Variants in GALNTL6 observed in about 807,000 individuals in gnomAD.
GALNTL6 encodes the protein polypeptide N-acetylgalactosaminyltransferase-like 6.
GALNTL6 carries 46 observed loss-of-function variants against 73.7 expected under a neutral mutation model. That is an observed-to-expected ratio of 0.62 (90% CI 0.49 to 0.80). GALNTL6 has a LOEUF of 0.80. Among genes scored for constraint, GALNTL6 ranks in the 30% least tolerant of loss-of-function variants. GALNTL6 has a pLI of 0.00. For missense variants in GALNTL6, 604 were observed against 755.0 expected, an observed-to-expected ratio of 0.80 and a Z score of 2.34; for synonymous variants, 259 against 263.7, an observed-to-expected ratio of 0.98 and a Z score of 0.17.
At chr4:172,721,731 A>G (rs965147145) in intron 5 of GALNTL6, among the ~76,000 whole-genome samples, 24 of 152,182 alleles carry the variant, frequency 1.6e-4, no homozygotes, top group Non-Finnish European at 8.8e-5. Flanking sequence ...AACACATTAA[A>G]TGACTGTCAT....
At chr4:172,451,831 C>T (rs1320741717) in intron 5 of GALNTL6, among the ~76,000 whole-genome samples, 1 of 151,892 alleles carries the variant, frequency 6.6e-6, no homozygotes, top group African/African-American at 2.4e-5. Context: ...CATGGAGAGA[C>T]CCAGTCTCTA....
At chr4:172,500,017 A>T (rs375355855) in intron 5 of GALNTL6, among the ~76,000 whole-genome samples, 31 of 152,342 alleles carry the variant, frequency 2.0e-4, no homozygotes, top group African/African-American at 6.7e-4. Flanking sequence ...GAGTAAAAAT[A>T]GCTGAAAAAT....
intron 8 of GALNTL6, among the ~76,000 whole-genome samples, chr4:172,919,380 GGCCGCT>G (rs1747682897): frequency 1.3e-5 from 2 of 152,074 alleles, no homozygotes; most frequent in Non-Finnish European, 2.9e-5. Context: ...CCTCAGGCAT[GGCCGCT>G]GAAAGCTCTC....
chr4:172,484,501 C>T (rs386474221), intron 5 of GALNTL6, among the ~76,000 whole-genome samples: 6 of 150,910 alleles, frequency 4.0e-5, no homozygotes, highest in African/African-American at 1.5e-4. Context: ...CGACTGAAAG[C>T]GCTGGTTGGA....
At chr4:172,432,686 A>G (rs1288549019) in intron 5 of GALNTL6, among the ~76,000 whole-genome samples, 1 of 152,100 alleles carries the variant, frequency 6.6e-6, no homozygotes, top group African/African-American at 2.4e-5. Context: ...AAATGAATAA[A>G]TAGTTGAATT....
At chr4:172,517,494 T>G (rs577990755) in intron 5 of GALNTL6, among the ~76,000 whole-genome samples, 1 of 152,276 alleles carries the variant, frequency 6.6e-6, no homozygotes, top group Non-Finnish European at 1.5e-5. Context: ...GTGGAGTAGC[T>G]GGAAAGTAGT....
intron 2 of GALNTL6, among the ~76,000 whole-genome samples, chr4:172,125,577 T>G (rs541461206): frequency 3.9e-5 from 6 of 152,236 alleles, no homozygotes; most frequent in Non-Finnish European, 7.4e-5. Flanking sequence ...CACACAAATT[T>G]CCATCATAAA....
chr4:172,298,391 G>A (rs1037807424), intron 3 of GALNTL6, among the ~76,000 whole-genome samples: 1 of 152,068 alleles, frequency 6.6e-6, no homozygotes, highest in Non-Finnish European at 1.5e-5. Context: ...CAACACTATG[G>A]TGAATAGGAG....
Position 172,809,674 on chromosome 4 carries a change from T to G in GALNTL6, c.739+128T>G. 1 of 652,720 alleles carries G rather than the reference T, an allele frequency of 1.5e-6. No individual in the cohort carries two copies. Among genetic ancestry groups the G allele is most frequent in the East Asian group, 2.9e-5 (1 of 34,490 alleles). 40.4% of individuals were successfully genotyped at this position (652,720 alleles called of 1,614,324 possible). A position where few individuals can be genotyped will look rare whatever the true frequency, so the allele number is the denominator to read the frequency against. On this transcript the variant is annotated intron_variant, in intron 6 of 12. Transcript: ENST00000506823. The surrounding 1 kb of genome is among the most constrained non-coding windows in gnomAD (Gnocchi z 4.4). ...AAGTTTTCCAGGGGAAGCCTTGAAT[T>G]TTATATTTACCACTGCTGAAAACAG...
At position 172,399,222 on chromosome 4, in the gene GALNTL6, T is replaced by C. The variant is rs552947030; in HGVS notation, c.553+50533T>C. On this transcript the variant is annotated intron_variant, in intron 5 of 12. Coordinates refer to ENST00000506823, the MANE Select transcript of GALNTL6 (RefSeq NM_001034845.3). ...ATTTTAGCAATAAAATAACTCTGCA[T>C]GTATAGATTTACATATACATATATA... Among the ~76,000 whole-genome samples, 3 of 152,146 alleles carry C rather than the reference T, an allele frequency of 2.0e-5. No individual in the cohort carries two copies. In the South Asian group the frequency reaches 6.2e-4, roughly 31 times the overall value.
intron 12 of GALNTL6, among the ~76,000 whole-genome samples, chr4:173,022,311 T>C (rs1019317118): frequency 6.6e-6 from 1 of 152,306 alleles, no homozygotes; most frequent in East Asian, 1.9e-4. Context: ...GGAAAAATCG[T>C]GTGTGTAGAA....
At chr4:171,905,481 A>G (rs2110951260) in intron 2 of GALNTL6, among the ~76,000 whole-genome samples, 1 of 150,916 alleles carries the variant, frequency 6.6e-6, no homozygotes, top group East Asian at 1.9e-4. Flanking sequence ...AGGAGCACCC[A>G]GATTCATAAA....
intron 3 of GALNTL6, among the ~76,000 whole-genome samples, chr4:172,307,601 G>C (rs1740187355): frequency 6.6e-6 from 1 of 152,134 alleles, no homozygotes; most frequent in South Asian, 2.1e-4. Flanking sequence ...AGCAAGATTT[G>C]TTGAATAGGA....
At chr4:172,749,010 A>G (rs1357936852) in intron 5 of GALNTL6, among the ~76,000 whole-genome samples, 2 of 151,706 alleles carry the variant, frequency 1.3e-5, no homozygotes, top group African/African-American at 4.8e-5. Context: ...TCCAGGCTGA[A>G]TCGGTCTTGC....
chr4:172,209,222 G>T (rs11132932), intron 2 of GALNTL6, among the ~76,000 whole-genome samples: 1 of 151,930 alleles, frequency 6.6e-6, no homozygotes, highest in Non-Finnish European at 1.5e-5. Context: ...CTTCTGATGT[G>T]AACAATTTCT....
chr4:172,454,378 G>A (rs1732317201), intron 5 of GALNTL6, among the ~76,000 whole-genome samples: 1 of 152,192 alleles, frequency 6.6e-6, no homozygotes, highest in South Asian at 2.1e-4. Context: ...TGGATACAAT[G>A]CAATAGCTTC....
intron 5 of GALNTL6, among the ~76,000 whole-genome samples, chr4:172,530,085 A>G (rs952842014): frequency 3.3e-5 from 5 of 152,016 alleles, no homozygotes; most frequent in African/African-American, 9.6e-5. Flanking sequence ...TAGAGAAGCT[A>G]GAAGGACATC....
chr4:172,059,616 C>T (rs1731132379), intron 2 of GALNTL6, among the ~76,000 whole-genome samples: 1 of 151,512 alleles, frequency 6.6e-6, no homozygotes, highest in African/African-American at 2.4e-5. Context: ...TTTAACACAA[C>T]AAAAAAGATT....
chr4:172,298,127 AGTTCACTCATGATTT>A (rs1379403426), intron 3 of GALNTL6, among the ~76,000 whole-genome samples: 2 of 152,024 alleles, frequency 1.3e-5, no homozygotes, highest in African/African-American at 4.8e-5. Context: ...TGTGAATGGG[AGTTCACTCATGATTT>A]GGCTCTCTGT....
Sources: allele counts gnomAD v4.1 joint callset (sites outside exome capture counted in the v4.1 genomes callset), GRCh38; gene constraint gnomAD v4.1.1; non-coding constraint Gnocchi (gnomAD v3.1); transcripts MANE v1.5; gene names NCBI Gene and HGNC (gene_info 2026-07-23, HGNC 2026-07-21).